Variants in ANKS1B observed in about 807,000 individuals in gnomAD.
ANKS1B encodes ankyrin repeat and sterile alpha motif domain containing 1B, also known as ankyrin repeat and sterile alpha motif domain-containing protein 1B.
A neutral mutation model predicts 148.3 loss-of-function variants in ANKS1B; 36 were observed. The observed-to-expected ratio is 0.24, with a 90% CI of 0.19 to 0.32. The LOEUF (loss-of-function observed/expected upper bound fraction) is 0.32. Among genes scored for constraint, ANKS1B ranks in the 10% least tolerant of loss-of-function variants. The pLI, the probability that ANKS1B is intolerant of heterozygous loss-of-function variation, is 1.00. For missense variants in ANKS1B, 1,157 were observed against 1,542.6 expected, an observed-to-expected ratio of 0.75 and a Z score of 4.19; for synonymous variants, 542 against 560.8, an observed-to-expected ratio of 0.97 and a Z score of 0.47.
chr12:99,090,442 A>G (rs537856097), intron 15 of ANKS1B, among the ~76,000 whole-genome samples: 1 of 152,234 alleles, frequency 6.6e-6, no homozygotes, highest in Admixed American at 6.5e-5. Context: ...GTCCAAGACT[A>G]AAAAAATCAA....
chr12:99,728,988 C>T (rs1035140390), intron 8 of ANKS1B, among the ~76,000 whole-genome samples: 2 of 152,126 alleles, frequency 1.3e-5, no homozygotes, highest in Non-Finnish European at 2.9e-5. Flanking sequence ...TTTATATGCA[C>T]TTGGCAATCA....
intron 14 of ANKS1B, among the ~76,000 whole-genome samples, chr12:99,224,940 A>G (rs2085669935): frequency 6.6e-6 from 1 of 152,158 alleles, no homozygotes; most frequent in Admixed American, 6.5e-5. Flanking sequence ...GTATCCCTCA[A>G]TTCCTGGGAC....
At chr12:98,924,634 C>T (rs1024858458) in intron 17 of ANKS1B, among the ~76,000 whole-genome samples, 1 of 152,040 alleles carries the variant, frequency 6.6e-6, no homozygotes, top group African/African-American at 2.4e-5. Context: ...GGAACTGATA[C>T]CGTTAGTTTT....
chr12:99,199,565 C>T (rs1332145197), intron 14 of ANKS1B, among the ~76,000 whole-genome samples: 2 of 152,052 alleles, frequency 1.3e-5, no homozygotes, highest in Non-Finnish European at 2.9e-5. Context: ...TCCCTTGTGT[C>T]TGTATTTTTT....
chr12:98,940,380 G>T (rs2099834784), intron 17 of ANKS1B, among the ~76,000 whole-genome samples: 1 of 152,156 alleles, frequency 6.6e-6, no homozygotes, highest in African/African-American at 2.4e-5. Context: ...GGGGTGCAGA[G>T]GGAGAGAGGA....
At chr12:99,461,205 T>C (rs2095960358) in intron 10 of ANKS1B, among the ~76,000 whole-genome samples, 1 of 152,082 alleles carries the variant, frequency 6.6e-6, no homozygotes, top group Admixed American at 6.6e-5. Flanking sequence ...ATGTTCTCAC[T>C]CATAAGTGGG....
At chr12:99,796,881 TAAG>T (rs1228289877) in intron 4 of ANKS1B, among the ~76,000 whole-genome samples, 2 of 151,914 alleles carry the variant, frequency 1.3e-5, no homozygotes, top group Non-Finnish European at 2.9e-5. Context: ...TTTCATACAA[TAAG>T]AAGACACAGA....
chr12:98,991,923 G>A (rs889749220), intron 17 of ANKS1B, among the ~76,000 whole-genome samples: 2 of 152,188 alleles, frequency 1.3e-5, no homozygotes, highest in African/African-American at 4.8e-5. Flanking sequence ...CAGTCTTGCT[G>A]TTAGGAAATG....
At chr12:99,586,042 C>A (rs1476064364) in intron 9 of ANKS1B, among the ~76,000 whole-genome samples, 4 of 152,190 alleles carry the variant, frequency 2.6e-5, no homozygotes, top group African/African-American at 4.8e-5. Context: ...TCAATTTCTC[C>A]TCAGAAAATG....
At chr12:98,804,358 A>T (rs1236850212) in intron 20 of ANKS1B, among the ~76,000 whole-genome samples, 2 of 151,696 alleles carry the variant, frequency 1.3e-5, no homozygotes, top group Admixed American at 6.6e-5. Flanking sequence ...GATTGAATTT[A>T]TTAGAAAATA....
At chr12:99,035,143 C>T (rs569708153) in intron 17 of ANKS1B, among the ~76,000 whole-genome samples, 1 of 152,272 alleles carries the variant, frequency 6.6e-6, no homozygotes, top group Non-Finnish European at 1.5e-5. Context: ...TCTCCTGAGG[C>T]TAGCTATAGA....
At chr12:99,780,398 C>G (rs2064150524) in intron 5 of ANKS1B, among the ~76,000 whole-genome samples, 1 of 152,022 alleles carries the variant, frequency 6.6e-6, no homozygotes, top group Non-Finnish European at 1.5e-5. Flanking sequence ...GCCTCAGACT[C>G]CTGAGTAGCT....
chr12:99,173,979 T>A (rs1012729650), intron 14 of ANKS1B, among the ~76,000 whole-genome samples: 3 of 152,208 alleles, frequency 2.0e-5, no homozygotes, highest in Non-Finnish European at 4.4e-5. Flanking sequence ...CCCACTTGAA[T>A]AACTTTCTTC....
In ANKS1B at chr12:99,443,702, T is replaced by G. The variant is rs1395283898; in HGVS notation, c.1546A>C (p.Lys516Gln). Residue 516 changes from lysine to glutamine, a missense_variant, in exon 11 of 27, where the codon AAA (lysine) becomes CAA (glutamine). Lys to Gln is a moderately conservative substitution (Grantham distance 53). Around this residue, in one of 6 missense-constraint regions of ANKS1B, gnomAD observed 661 missense variants for 642.1 expected, o/e 1.03. Coordinates refer to ENST00000683438, the MANE Select transcript of ANKS1B (RefSeq NM_001352186.2). Reference sequence around the variant, plus strand: ...GGTCGAATGACTTTTACAATATTTTTGAGGGCAGTATCAGGGGATGGAGGT... The same window carrying G: ...GGTCGAATGACTTTTACAATATTTTGGAGGGCAGTATCAGGGGATGGAGGT... ...CSPPSPDTAL[K>Q]NIVKVIRPQP... The G allele has an allele frequency of 6.2e-7, 1 of 1,612,002 alleles. No individual in the cohort carries two copies. The highest frequency in any genetic ancestry group is 1.3e-5 in the African/African-American group (1 of 74,770).
intron 1 of ANKS1B, among the ~76,000 whole-genome samples, chr12:99,870,417 T>A (rs997427830): frequency 1.3e-5 from 2 of 152,262 alleles, no homozygotes; most frequent in Non-Finnish European, 2.9e-5. Flanking sequence ...GCATGTTCTT[T>A]TTGGTAGAAC....
At chr12:99,607,354 T>A (rs375252535) in intron 9 of ANKS1B, among the ~76,000 whole-genome samples, 1 of 151,584 alleles carries the variant, frequency 6.6e-6, no homozygotes, top group African/African-American at 2.4e-5. Flanking sequence ...AGCTAAAAGT[T>A]AAAAGTTAAA....
At chr12:99,043,715 C>T (rs1056384775) in intron 17 of ANKS1B, among the ~76,000 whole-genome samples, 2 of 152,284 alleles carry the variant, frequency 1.3e-5, no homozygotes, top group Non-Finnish European at 2.9e-5. Context: ...ATATAAATCC[C>T]AAGCTATAAA....
At chr12:99,812,540 C>T (rs1007980283) in intron 2 of ANKS1B, among the ~76,000 whole-genome samples, 13 of 96,760 alleles carry the variant, frequency 1.3e-4, no homozygotes, top group Non-Finnish European at 1.5e-4. Context: ...CACACACACA[C>T]ACACACACAC....
chr12:99,924,041 A>G (rs1314822729), intron 1 of ANKS1B, among the ~76,000 whole-genome samples: 2 of 152,162 alleles, frequency 1.3e-5, no homozygotes, highest in African/African-American at 4.8e-5. Flanking sequence ...ACACTCTTAA[A>G]TTTTATACCT....
Sources: allele counts gnomAD v4.1 joint callset (sites outside exome capture counted in the v4.1 genomes callset), GRCh38; gene constraint gnomAD v4.1.1; regional missense constraint gnomAD v4.1.1; transcripts MANE v1.5; gene names NCBI Gene and HGNC (gene_info 2026-07-23, HGNC 2026-07-21).